The following SPRY3 variants were observed in gnomAD, a reference collection of about 807,000 sequenced individuals.
The protein encoded by SPRY3 is protein sprouty homolog 3.
Under a neutral mutation model 20.2 loss-of-function variants are expected in SPRY3, and 15 were observed. That is an observed-to-expected ratio of 0.74 (90% CI 0.50 to 1.14). SPRY3 has a LOEUF of 1.14. Among genes scored for constraint, SPRY3 ranks in the 50% most tolerant of loss-of-function variants. SPRY3 has a pLI of 0.00. For missense variants in SPRY3, 364 were observed against 363.9 expected, an observed-to-expected ratio of 1.00 and a Z score of 0.00; for synonymous variants, 143 against 136.5, an observed-to-expected ratio of 1.05 and a Z score of -0.33.
intron 2 of SPRY3, among the ~76,000 whole-genome samples, chrX:155,684,945 G>T (rs1332546351): frequency 9.0e-6 from 1 of 111,274 alleles, no homozygotes; most frequent in Non-Finnish European, 1.9e-5. Flanking sequence ...TTACTTCTGG[G>T]CCCCGTGCTT....
At chrX:155,766,053 G>T (rs1001347418) in intron 2 of SPRY3, among the ~76,000 whole-genome samples, 35 of 151,898 alleles carry the variant, frequency 2.3e-4, no homozygotes, top group African/African-American at 7.7e-4. Flanking sequence ...TCACAAAAGA[G>T]AATTTACAGG....
chrX:155,744,710 C>T (rs1466060870), intron 2 of SPRY3, among the ~76,000 whole-genome samples: 1 of 151,982 alleles, frequency 6.6e-6, no homozygotes, highest in African/African-American at 2.4e-5. Flanking sequence ...CCATTGCTCA[C>T]ATTGTGTAAA....
chrX:155,767,735 AGAGAGAGGAGGAGGAG>A (rs2091346951), intron 2 of SPRY3: 1 of 59,594 alleles, frequency 1.7e-5, no homozygotes, highest in Non-Finnish European at 3.7e-5. Context: ...GAGGAGGAGG[AGAGAGAGGAGGAGGAG>A]GAGAGAGAGG....
At chrX:155,656,619 G>A (rs1277007955) in intron 1 of SPRY3, among the ~76,000 whole-genome samples, 1 of 110,934 alleles carries the variant, frequency 9.0e-6, no homozygotes, top group Admixed American at 9.6e-5. Context: ...CTCATTCTCT[G>A]TCCAGTTTTG....
chrX:155,666,969 TTAAAGA>T (rs782686637), intron 2 of SPRY3, among the ~76,000 whole-genome samples: 2 of 110,906 alleles, frequency 1.8e-5, no homozygotes, highest in South Asian at 7.6e-4. Flanking sequence ...TGTACTATAC[TTAAAGA>T]TAGAGTGTTT....
exon 4 of SPRY3, chrX:155,774,823 G>A (rs1463302365): frequency 1.4e-6 from 2 of 1,471,522 alleles, no homozygotes; most frequent in African/African-American, 2.8e-5. Flanking sequence ...AGGGGGAGGA[G>A]TGATAAACTA....
At chrX:155,763,484 C>A (rs2091312436) in intron 2 of SPRY3, among the ~76,000 whole-genome samples, 1 of 152,106 alleles carries the variant, frequency 6.6e-6, no homozygotes, top group Admixed American at 6.6e-5. Flanking sequence ...GTGTATCTTT[C>A]TTAAATGTGG....
At chrX:155,781,659 A>T, downstream of SPRY3, 1 of 166,994 alleles carries the variant, frequency 6.0e-6, no homozygotes, top group East Asian at 1.9e-4. Context: ...ACGATAATAA[A>T]GCCTAGAGAG....
chrX:155,769,180 T>C (rs2091366087), intron 3 of SPRY3, among the ~76,000 whole-genome samples: 1 of 152,196 alleles, frequency 6.6e-6, no homozygotes, highest in South Asian at 2.1e-4. Context: ...ATTTGTCTCT[T>C]TGTGTTCTGT....
chrX:155,717,548 C>A (rs1280391959), intron 2 of SPRY3, among the ~76,000 whole-genome samples: 2 of 152,006 alleles, frequency 1.3e-5, no homozygotes, highest in Non-Finnish European at 2.9e-5. Context: ...TAATGCTCTC[C>A]CTCCTCTTGC....
chrX:155,738,124 G>A (rs1303484622), intron 2 of SPRY3, among the ~76,000 whole-genome samples: 3 of 152,056 alleles, frequency 2.0e-5, no homozygotes, highest in Admixed American at 2.0e-4. Flanking sequence ...GGGAACTACA[G>A]GTGGATAAAG....
chrX:155,657,182 C>T (rs981569154), intron 2 of SPRY3, among the ~76,000 whole-genome samples: 4 of 111,802 alleles, frequency 3.6e-5, no homozygotes, highest in African/African-American at 9.8e-5. Context: ...AGCTGGCAGG[C>T]GGGAATGTTT....
chrX:155,671,387 A>G (rs2068040049), intron 2 of SPRY3, among the ~76,000 whole-genome samples: 1 of 110,056 alleles, frequency 9.1e-6, no homozygotes, highest in East Asian at 2.9e-4. Context: ...TGTCCAGGGG[A>G]TGGGGGTATC....
chrX:155,728,049 G>T (rs1703596116), intron 2 of SPRY3, among the ~76,000 whole-genome samples: 1 of 152,168 alleles, frequency 6.6e-6, no homozygotes, highest in African/African-American at 2.4e-5. Context: ...TGACAGTCAG[G>T]TCCCTCAGCT....
intron 2 of SPRY3, among the ~76,000 whole-genome samples, chrX:155,676,983 T>C: frequency 8.9e-6 from 1 of 112,094 alleles, no homozygotes; most frequent in Non-Finnish European, 1.9e-5. Flanking sequence ...GTGTTATTCC[T>C]GTGTTTTTCT....
At chrX:155,713,529 C>T (rs1740034500) in intron 2 of SPRY3, among the ~76,000 whole-genome samples, 1 of 152,130 alleles carries the variant, frequency 6.6e-6, no homozygotes, top group South Asian at 2.1e-4. Flanking sequence ...ATGCCACTCC[C>T]TCCTTGCCTG....
chrX:155,626,825 C>G (rs993397907), intron 1 of SPRY3, among the ~76,000 whole-genome samples: 2 of 111,413 alleles, frequency 1.8e-5, no homozygotes, highest in Non-Finnish European at 3.8e-5. Context: ...TAAGTGTTCC[C>G]TCAGTTCAAT....
intron 2 of SPRY3, among the ~76,000 whole-genome samples, chrX:155,748,313 G>T (rs2091239081): frequency 6.6e-6 from 1 of 151,814 alleles, no homozygotes; most frequent in Admixed American, 6.6e-5. Context: ...TGAAATCTTG[G>T]CTAATCATAT....
intron 2 of SPRY3, among the ~76,000 whole-genome samples, chrX:155,706,251 CATCT>C (rs2090950074): frequency 6.6e-6 from 1 of 151,036 alleles, no homozygotes; most frequent in Non-Finnish European, 1.5e-5. Context: ...GAACAACATC[CATCT>C]AAGTCACCCA....
Sources: gnomAD v4.1 joint callset for allele counts (sites outside exome capture counted in the v4.1 genomes callset) on GRCh38, gnomAD v4.1.1 for gene constraint, MANE v1.5 for transcripts, NCBI Gene and HGNC (gene_info 2026-07-23, HGNC 2026-07-21) for gene names.